CRMP1: variants seen among roughly 807,000 people sequenced by gnomAD.
The protein encoded by CRMP1 is collapsin response mediator protein 1, also known as dihydropyrimidinase-related protein 1.
CRMP1 carries 19 observed loss-of-function variants against 68.3 expected under a neutral mutation model. The ratio of observed to expected loss-of-function variants is 0.28; its 90% CI spans 0.19 to 0.41. CRMP1 has a LOEUF of 0.41. Ranked by LOEUF, CRMP1 falls within the 10% of genes least tolerant of loss-of-function variation. The pLI, the probability that CRMP1 is intolerant of heterozygous loss-of-function variation, is 1.00. For synonymous variants in CRMP1, 439 were observed against 399.6 expected (o/e 1.10, Z -1.18); for missense variants, 791 against 967.4 (o/e 0.82, Z 2.42).
chr4:5,829,590 G>T (rs1348336715), intron 11 of CRMP1, among the ~76,000 whole-genome samples: 1 of 152,176 alleles, frequency 6.6e-6, no homozygotes, highest in African/African-American at 2.4e-5. Context: ...TGAGACATAT[G>T]CCCTGAAGAG....
At chr4:5,844,437 A>G (rs1471816489) in intron 6 of CRMP1, among the ~76,000 whole-genome samples, 1 of 152,158 alleles carries the variant, frequency 6.6e-6, no homozygotes, top group African/African-American at 2.4e-5. Flanking sequence ...CGAGGAAGGG[A>G]GGATGAAAGA....
chr4:5,851,812 AAG>A (rs1482005104), intron 4 of CRMP1, among the ~76,000 whole-genome samples: 2 of 144,318 alleles, frequency 1.4e-5, no homozygotes, highest in Non-Finnish European at 3.1e-5. Flanking sequence ...GAGGAGGAAA[AAG>A]AAGAGGAGGA....
In CRMP1 at chr4:5,892,697, G is replaced by A. The variant is rs1215046761; in HGVS notation, c.273C>T (p.Pro91=). The A allele has an allele frequency of 3.5e-5, 43 of 1,223,474 alleles. No homozygotes were observed. Among genetic ancestry groups the A allele is most frequent in the Non-Finnish European group, 4.4e-5 (43 of 981,942 alleles). 75.8% of individuals were successfully genotyped at this position (1,223,474 alleles called of 1,614,324 possible). Residue 91 remains proline, a synonymous_variant, in exon 1 of 14, where the codon CCC becomes CCT. Coordinates refer to ENST00000324989, the MANE Select transcript of CRMP1 (RefSeq NM_001014809.3). The surrounding 1 kb of genome is among the most constrained non-coding windows in gnomAD (Gnocchi z 8.6). The part of the protein sequence containing the change: ...SEDTASDVSE[P]SGSAVSSPGE... Reference sequence around the variant, plus strand: ...CGGGAGAGCTGACCGCGGAGCCCGAGGGCTCGCTCACGTCGCTGGCCGTGT... The same window carrying A: ...CGGGAGAGCTGACCGCGGAGCCCGAAGGCTCGCTCACGTCGCTGGCCGTGT...
At chr4:5,863,576 G>A (rs949476324) in intron 2 of CRMP1, among the ~76,000 whole-genome samples, 4 of 152,162 alleles carry the variant, frequency 2.6e-5, no homozygotes, top group African/African-American at 7.2e-5. Flanking sequence ...GGAAGGAGGA[G>A]AGAGGAAGCT....
At chr4:5,857,570 A>G (rs935319960) in intron 3 of CRMP1, among the ~76,000 whole-genome samples, 2 of 152,232 alleles carry the variant, frequency 1.3e-5, no homozygotes, top group African/African-American at 4.8e-5. Context: ...TAATGCCACA[A>G]AAGCTTGACA....
At position 5,841,396 on chromosome 4, in the gene CRMP1, G is replaced by C. The variant is rs367673526; in HGVS notation, c.1065C>G (p.Thr355=). The C allele has an allele frequency of 5.9e-4, 956 of 1,614,178 alleles. 17 individuals carry two copies. In the South Asian group the frequency reaches 9.6e-3, roughly 16 times the overall value. Residue 355 remains threonine, a synonymous_variant, in exon 8 of 14, where the codon ACC becomes ACG. Transcript: ENST00000324989. This position sits in a 1 kb window ranked among gnomAD's most constrained non-coding sequence, Gnocchi z 6.9. ...CAGGGCAGTTGATCCGGCCCGCAAT[G>C]GTGATGGCCCGGAACACCGCCTCGG... ...LEAEAVFRAI[T]IAGRINCPVY... is the part of the protein sequence containing the mutation.
chr4:5,865,898 T>C lies in CRMP1; in HGVS notation c.470+770A>G, dbSNP rs1398457184. Reference sequence around the variant, plus strand: ...CCCTGTGAGGACAGCCAGAAGGTGGTGTCTGCAAGCCAGAAGGTGGTGTCT... The same window carrying C: ...CCCTGTGAGGACAGCCAGAAGGTGGCGTCTGCAAGCCAGAAGGTGGTGTCT... On this transcript the variant is annotated intron_variant, in intron 2 of 13. Coordinates refer to ENST00000324989, the MANE Select transcript of CRMP1 (RefSeq NM_001014809.3). This position sits in a 1 kb window ranked among gnomAD's most constrained non-coding sequence, Gnocchi z 4.1. 6.6e-6 allele frequency among the ~76,000 whole-genome samples: 1 copy of C among 151,932 alleles called. No individual in the cohort carries two copies. The highest frequency in any genetic ancestry group is 1.5e-5 in the Non-Finnish European group (1 of 67,958).
intron 6 of CRMP1, among the ~76,000 whole-genome samples, chr4:5,845,235 G>A (rs1311898642): frequency 2.0e-5 from 3 of 152,200 alleles, no homozygotes; most frequent in Non-Finnish European, 2.9e-5. Context: ...CTCCCCTGGA[G>A]TGTGGGCTGG....
rs1337976380 is a variant in CRMP1 at position 5,834,198 on chromosome 4, A to T, written c.1623+1717T>A. 6.6e-6 allele frequency among the ~76,000 whole-genome samples: 1 copy of T among 152,240 alleles called. No homozygotes were observed. The highest frequency in any genetic ancestry group is 1.5e-5 in the Non-Finnish European group (1 of 68,040). On this transcript the variant is annotated intron_variant, in intron 11 of 13. Transcript: ENST00000324989. This position sits in a 1 kb window ranked among gnomAD's most constrained non-coding sequence, Gnocchi z 4.3. Reference sequence around the variant, plus strand: ...AGCAAGGGGCAGCTCCCACAGCCAGATGGCGGTAGGAGTGCACACCCTGTG... The same window carrying T: ...AGCAAGGGGCAGCTCCCACAGCCAGTTGGCGGTAGGAGTGCACACCCTGTG...
At chr4:5,863,570 G>C (rs1175947320) in intron 2 of CRMP1, among the ~76,000 whole-genome samples, 2 of 152,276 alleles carry the variant, frequency 1.3e-5, no homozygotes, top group Middle Eastern at 3.4e-3. Flanking sequence ...GGAAAGGGAA[G>C]GAGGAGAGAG....
In CRMP1 at chr4:5,842,538, C is replaced by A. The variant is rs1469903143; in HGVS notation, c.1032+555G>T. Among the ~76,000 whole-genome samples the A allele has an allele frequency of 6.6e-6, 1 of 151,834 alleles. No homozygotes were observed. Among genetic ancestry groups the A allele is most frequent in the African/African-American group, 2.4e-5 (1 of 41,320 alleles). ...CTCTATTCCATGCCCGATCAGCTTG[C>A]CTTCCTCCTTCCACACTCCCTGCAG... On this transcript the variant is annotated intron_variant, in intron 7 of 13. Transcript: ENST00000324989. This position sits in a 1 kb window ranked among gnomAD's most constrained non-coding sequence, Gnocchi z 4.5.
At chr4:5,869,673 G>C (rs1714300484) in intron 1 of CRMP1, among the ~76,000 whole-genome samples, 1 of 114,896 alleles carries the variant, frequency 8.7e-6, no homozygotes, top group Non-Finnish European at 1.7e-5. Flanking sequence ...AACAGAGCAA[G>C]ACTCCGTCAA....
chr4:5,842,604 A>ACACACACACACTCACT lies in CRMP1; in HGVS notation c.1032+488_1032+489insAGTGAGTGTGTGTGTG, dbSNP rs1711845878. The stretch of plus-strand genomic sequence containing the variant: ...CCCACACTCACACACTCTCTCACAC[A>ACACACACACACTCACT]CACACACACACACTCACTCACACAC... On this transcript the variant is annotated intron_variant, in intron 7 of 13. Transcript: ENST00000324989. The surrounding 1 kb of genome is among the most constrained non-coding windows in gnomAD (Gnocchi z 4.5). Among the ~76,000 whole-genome samples, 1 of 148,190 alleles carries ACACACACACACTCACT rather than the reference A, an allele frequency of 6.7e-6. No homozygotes were observed. The highest frequency in any genetic ancestry group is 6.7e-5 in the Admixed American group (1 of 14,926).
intron 11 of CRMP1, among the ~76,000 whole-genome samples, chr4:5,832,660 C>T (rs954850386): frequency 1.2e-4 from 19 of 152,256 alleles, no homozygotes; most frequent in African/African-American, 4.3e-4. Context: ...GGTCAAACCA[C>T]CTCACGGAAT....
rs1242955393 is a variant in CRMP1 at position 5,843,003 on chromosome 4, G to A, written c.1032+90C>T. On this transcript the variant is annotated intron_variant, in intron 7 of 13. Coordinates refer to ENST00000324989, the MANE Select transcript of CRMP1 (RefSeq NM_001014809.3). This position sits in a 1 kb window ranked among gnomAD's most constrained non-coding sequence, Gnocchi z 4.1. Reference sequence around the variant, plus strand: ...GGGAGAGGACACGGGAAGAGGCCGGGTCCTGGCTGGGCTACTCCAGCTGGA... The same window carrying A: ...GGGAGAGGACACGGGAAGAGGCCGGATCCTGGCTGGGCTACTCCAGCTGGA... 9 of 1,272,288 alleles carry A rather than the reference G, an allele frequency of 7.1e-6. No individual in the cohort carries two copies. The highest frequency in any genetic ancestry group is 9.1e-6 in the Non-Finnish European group (8 of 875,622). The allele number at this position is 1,272,288 out of a possible 1,614,324, so 78.8% of individuals were successfully genotyped here.
rs1328411308 is a variant in CRMP1, at chr4:5,865,884, C to CAGCCAGAAGGTGGTGTCTGCA, written c.470+763_470+783dup. Among the ~76,000 whole-genome samples, 1 of 152,094 alleles carries CAGCCAGAAGGTGGTGTCTGCA rather than the reference C, an allele frequency of 6.6e-6. No individual in the cohort carries two copies. The highest frequency in any genetic ancestry group is 1.5e-5 in the Non-Finnish European group (1 of 68,026). Reference sequence around the variant, plus strand: ...ACACACAGAAAGGGCCCTGTGAGGACAGCCAGAAGGTGGTGTCTGCAAGCC... The same window carrying CAGCCAGAAGGTGGTGTCTGCA: ...ACACACAGAAAGGGCCCTGTGAGGACAGCCAGAAGGTGGTGTCTGCAAGCCAGAAGGTGGTGTCTGCAAGCC... On this transcript the variant is annotated intron_variant, in intron 2 of 13. Coordinates refer to ENST00000324989, the MANE Select transcript of CRMP1 (RefSeq NM_001014809.3). This position sits in a 1 kb window ranked among gnomAD's most constrained non-coding sequence, Gnocchi z 4.1.
rs1471665638 is a variant in CRMP1 at position 5,859,477 on chromosome 4, A to G, written c.655+1549T>C. On this transcript the variant is annotated intron_variant, in intron 3 of 13. Transcript: ENST00000324989. The surrounding 1 kb of genome is among the most constrained non-coding windows in gnomAD (Gnocchi z 5.2). ...AGAACTTCCATGCCCATCTCTCAGA[A>G]CTCTCATGTCCCATGCACTACATGA... is the stretch of plus-strand genomic sequence containing the variant. Among the ~76,000 whole-genome samples, 1 of 152,086 alleles carries G rather than the reference A, an allele frequency of 6.6e-6. No individual in the cohort carries two copies. Among genetic ancestry groups the G allele is most frequent in the Non-Finnish European group, 1.5e-5 (1 of 68,026 alleles).
rs1275149500 is a variant in CRMP1 at position 5,861,006 on chromosome 4, C to T, written c.655+20G>A. On this transcript the variant is annotated intron_variant, in intron 3 of 13. Coordinates refer to ENST00000324989, the MANE Select transcript of CRMP1 (RefSeq NM_001014809.3). This position sits in a 1 kb window ranked among gnomAD's most constrained non-coding sequence, Gnocchi z 6.0. ...GACCTCACAGTCTATGTCCCTAAGG[C>T]AGGGGACAGTGTCACTCACTGATCA... The T allele has an allele frequency of 6.2e-7, 1 of 1,611,016 alleles. No homozygotes were observed. Among genetic ancestry groups the T allele is most frequent in the Non-Finnish European group, 8.5e-7 (1 of 1,178,474 alleles).
intron 1 of CRMP1, among the ~76,000 whole-genome samples, chr4:5,886,965 G>A (rs1046476530): frequency 1.3e-5 from 2 of 152,214 alleles, no homozygotes; most frequent in African/African-American, 4.8e-5. Context: ...GACAAGAGCT[G>A]AGGCTGGGCC....
Sources: gnomAD v4.1 joint callset for allele counts (sites outside exome capture counted in the v4.1 genomes callset) on GRCh38, gnomAD v4.1.1 for gene constraint, Gnocchi (gnomAD v3.1) non-coding constraint, MANE v1.5 for transcripts, NCBI Gene and HGNC (gene_info 2026-07-23, HGNC 2026-07-21) for gene names.